The following TTLL9 variants were observed in gnomAD, a reference collection of about 807,000 sequenced individuals.
TTLL9 encodes tubulin tyrosine ligase like 9, also known as probable tubulin polyglutamylase TTLL9.
Under a neutral mutation model 65.6 loss-of-function variants are expected in TTLL9, and 47 were observed. The ratio of observed to expected loss-of-function variants is 0.72; its 90% CI spans 0.57 to 0.91. The LOEUF is 0.91. Among genes scored for constraint, TTLL9 ranks in the 40% least tolerant of loss-of-function variants. TTLL9 has a pLI of 0.00. For missense variants in TTLL9, 537 were observed against 568.8 expected, an observed-to-expected ratio of 0.94 and a Z score of 0.57; for synonymous variants, 179 against 204.8, an observed-to-expected ratio of 0.87 and a Z score of 1.07.
Position 31,876,168 on chromosome 20 carries a change from C to T in TTLL9, c.69+4973C>T, listed in dbSNP as rs146469605. ...TATTTTATTATTAGAATATCTTGGC[C>T]GGGTGTGGTGGCTCACACCTGTAAT... is the stretch of plus-strand genomic sequence containing the variant. On this transcript the variant is annotated intron_variant, in intron 2 of 14. Transcript: ENST00000535842. Among the ~76,000 whole-genome samples the T allele has an allele frequency of 3.7e-3, 556 of 152,212 alleles. 3 individuals are homozygous for T. Among genetic ancestry groups the T allele is most frequent in the African/African-American group, 0.013 (520 of 41,528 alleles).
intron 6 of TTLL9, among the ~76,000 whole-genome samples, chr20:31,914,552 C>G (rs1462205833): frequency 6.6e-6 from 1 of 152,148 alleles, no homozygotes; most frequent in East Asian, 1.9e-4. Context: ...AATCTGGGTT[C>G]CCCAAGAAAC....
intron 2 of TTLL9, among the ~76,000 whole-genome samples, chr20:31,883,224 G>A (rs999426541): frequency 2.0e-5 from 3 of 146,976 alleles, no homozygotes; most frequent in African/African-American, 7.6e-5. Flanking sequence ...TTTTGAAACA[G>A]AGTCTTGCCA....
At chr20:31,913,730 C>T (rs2063690465) in intron 6 of TTLL9, among the ~76,000 whole-genome samples, 1 of 152,192 alleles carries the variant, frequency 6.6e-6, no homozygotes. Flanking sequence ...CATCTTGGAG[C>T]TTTTAGGGGA....
At chr20:31,879,766 T>C (rs542800020) in intron 2 of TTLL9, 199 of 1,518,712 alleles carry the variant, frequency 1.3e-4, no homozygotes, top group Non-Finnish European at 1.1e-4. Flanking sequence ...AGCATGCCCT[T>C]GGCTCATCCA....
intron 6 of TTLL9, among the ~76,000 whole-genome samples, chr20:31,914,318 G>T (rs549910245): frequency 6.6e-6 from 1 of 152,214 alleles, no homozygotes; most frequent in East Asian, 1.9e-4. Context: ...TTTGACATCT[G>T]GTGAAATGTG....
chr20:31,891,516 T>C (rs575601206), intron 3 of TTLL9, among the ~76,000 whole-genome samples: 3 of 152,080 alleles, frequency 2.0e-5, no homozygotes, highest in Non-Finnish European at 4.4e-5. Flanking sequence ...TTTTTCATAT[T>C]ATTTGTAGAG....
At chr20:31,941,370 T>C (rs968764653) in intron 14 of TTLL9, 4 of 152,206 alleles carry the variant, frequency 2.6e-5, no homozygotes, top group African/African-American at 9.7e-5. Context: ...CGCTACTTCC[T>C]GGACCCCCAT....
rs1378615259 is a variant in TTLL9 at position 31,909,751 on chromosome 20, C to T, written c.333C>T (p.Asn111=). 2 of 1,613,894 alleles carry T rather than the reference C, an allele frequency of 1.2e-6. No homozygotes were observed. Among genetic ancestry groups the T allele is most frequent in the African/African-American group, 2.7e-5 (2 of 74,900 alleles). The change falls in exon 6 of 15, where the codon AAC becomes AAT. Residue 111 remains asparagine, a synonymous_variant. Coordinates refer to ENST00000535842, the MANE Select transcript of TTLL9 (RefSeq NM_001008409.5). Reference sequence around the variant, plus strand: ...CCGCCACCCAGCTGACCCGGAAGAACTACATGGTGAAGAACCTGAAGCGGT... The same window carrying T: ...CCGCCACCCAGCTGACCCGGAAGAATTACATGGTGAAGAACCTGAAGCGGT... ...FRNHYELTRK[N]YMVKNLKRFR...
intron 2 of TTLL9, chr20:31,879,691 G>C (rs1018725771): frequency 2.4e-6 from 2 of 844,710 alleles, no homozygotes; most frequent in African/African-American, 1.7e-5. Context: ...GGGGGACCTA[G>C]GCTGCCAGGA....
chr20:31,870,836 C>G lies in TTLL9; in HGVS notation c.-119C>G, dbSNP rs1218868326. The G allele has an allele frequency of 1.8e-6, 1 of 540,956 alleles. No individual in the cohort carries two copies. The highest frequency in any genetic ancestry group is 3.2e-6 in the Non-Finnish European group (1 of 309,384). The allele number at this position is 540,956 out of a possible 1,614,324, so 33.5% of individuals were successfully genotyped here. A position where few individuals can be genotyped will look rare whatever the true frequency, so the allele number is the denominator to read the frequency against. On this transcript the variant is annotated 5_prime_UTR_variant, in exon 1 of 15. Coordinates refer to ENST00000535842, the MANE Select transcript of TTLL9 (RefSeq NM_001008409.5). The surrounding 1 kb of genome is among the most constrained non-coding windows in gnomAD (Gnocchi z 6.6). ...GCTCTGCCTGGACGTCCCTGCGGGC[C>G]CCGGGGGAAAGCACCCAACTTCTCC...
At chr20:31,924,988 A>G in intron 8 of TTLL9, 21 bp from the exon 9 acceptor site, 1 of 1,613,896 alleles carries the variant, frequency 6.2e-7, no homozygotes, top group Non-Finnish European at 8.5e-7. Flanking sequence ...TGCACAAATT[A>G]ATTTTTTCCT....
chr20:31,877,551 A>C (rs1246074063), intron 2 of TTLL9, among the ~76,000 whole-genome samples: 1 of 152,246 alleles, frequency 6.6e-6, no homozygotes, highest in Non-Finnish European at 1.5e-5. Context: ...TAATAAATAT[A>C]ACATGTATAT....
At chr20:31,921,078 G>T (rs1231829097) in intron 7 of TTLL9, among the ~76,000 whole-genome samples, 5 of 152,210 alleles carry the variant, frequency 3.3e-5, no homozygotes, top group Non-Finnish European at 5.9e-5. Flanking sequence ...GGATGAAAAT[G>T]GATATCTGTG....
intron 4 of TTLL9, among the ~76,000 whole-genome samples, chr20:31,900,836 C>T (rs2063467580): frequency 6.6e-6 from 1 of 152,124 alleles, no homozygotes; most frequent in Non-Finnish European, 1.5e-5. Flanking sequence ...TGTGTGACCT[C>T]TGTCCACTCC....
At chr20:31,877,460 A>G (rs1286084053) in intron 2 of TTLL9, among the ~76,000 whole-genome samples, 1 of 152,206 alleles carries the variant, frequency 6.6e-6, no homozygotes, top group East Asian at 1.9e-4. Context: ...AGGTAGTCAG[A>G]TTTAAACTGA....
At chr20:31,934,389 G>A (rs986572948) in intron 11 of TTLL9, 5 of 569,942 alleles carry the variant, frequency 8.8e-6, no homozygotes, top group East Asian at 4.1e-5. Flanking sequence ...GTCACTCCTT[G>A]GCCTTGGGAT....
chr20:31,879,667 A>C (rs916990563), intron 2 of TTLL9: 2 of 651,168 alleles, frequency 3.1e-6, no homozygotes, highest in Non-Finnish European at 5.0e-6. Flanking sequence ...TGGAAAAGAA[A>C]GGTTGAGGAA....
intron 13 of TTLL9, chr20:31,938,048 C>T (rs1192814526): frequency 7.7e-6 from 3 of 388,986 alleles, no homozygotes; most frequent in Non-Finnish European, 1.6e-5. Context: ...CTCTCTGTTT[C>T]TCTCTCTCTC....
intron 8 of TTLL9, among the ~76,000 whole-genome samples, 154 bp downstream of exon 8, chr20:31,923,207 A>G (rs115410721): frequency 0.019 from 2,899 of 152,292 alleles, 96 homozygotes; most frequent in African/African-American, 0.066. Context: ...CCCACCTCCT[A>G]GCCATTGCCT....
Sources: gnomAD v4.1 joint callset for allele counts (sites outside exome capture counted in the v4.1 genomes callset) on GRCh38, gnomAD v4.1.1 for gene constraint, Gnocchi (gnomAD v3.1) non-coding constraint, MANE v1.5 for transcripts, NCBI Gene and HGNC (gene_info 2026-07-23, HGNC 2026-07-21) for gene names.